Variants in LIMD2 observed in about 807,000 individuals in gnomAD.
LIMD2 encodes LIM domain containing 2, also known as LIM domain-containing protein 2.
Under a neutral mutation model 16.0 loss-of-function variants are expected in LIMD2, and 11 were observed. The observed-to-expected ratio is 0.69, with a 90% CI of 0.43 to 1.14. LIMD2 has a LOEUF of 1.14. LIMD2 is among the 50% of genes most tolerant of loss of function. The pLI, the probability that LIMD2 is intolerant of heterozygous loss-of-function variation, is 0.00. For missense variants in LIMD2, 168 were observed against 165.8 expected (o/e 1.01, Z -0.07); for synonymous variants, 60 against 67.1 (o/e 0.89, Z 0.52).
At chr17:63,700,208 G>A, upstream of LIMD2, 1 of 913,026 alleles carries the variant, frequency 1.1e-6, no homozygotes. The surrounding 1 kb of genome is among the most constrained non-coding windows in gnomAD (Gnocchi z 7.1). Flanking sequence ...TGGCTCCGCC[G>A]CGCCCGGAGC....
rs769994067 is a variant in LIMD2, at chr17:63,696,701, TC to T, written c.*1850del. On this transcript the variant is annotated 3_prime_UTR_variant, in exon 5 of 5. Transcript: ENST00000259006. ...GGGTCAGGTGTCTCCAAGAGCCACCTCTCCAGTACCCCCTTGTGGTCATCTG... is the reference window on the plus strand; with the variant it reads ...GGGTCAGGTGTCTCCAAGAGCCACCTTCCAGTACCCCCTTGTGGTCATCTG... The T allele has an allele frequency of 1.3e-5, 2 of 152,202 alleles. No individual in the cohort carries two copies. The highest frequency in any genetic ancestry group is 2.4e-5 in the African/African-American group (1 of 41,436). The allele number at this position is 152,202 out of a possible 1,614,324, so 9.4% of individuals were successfully genotyped here.
At chr17:63,699,378 C>T (rs1189565551) in intron 1 of LIMD2, 30 bp from the exon 2 acceptor site, 2 of 1,514,160 alleles carry the variant, frequency 1.3e-6, no homozygotes, top group Admixed American at 2.2e-5. Flanking sequence ...GGGAGGGCCC[C>T]GCCAGCCCGG....
rs971012275 is a variant in LIMD2 at position 63,700,051 on chromosome 17, G to A, written c.-70C>T. Reference sequence around the variant, plus strand: ...TCTCACCAGGCCCGGCCTGGGCCGCGGGGCGGGATCGGTCTCCGGGGGCGC... The same window carrying A: ...TCTCACCAGGCCCGGCCTGGGCCGCAGGGCGGGATCGGTCTCCGGGGGCGC... On this transcript the variant is annotated 5_prime_UTR_variant, in exon 1 of 5. Coordinates refer to ENST00000259006, the MANE Select transcript of LIMD2 (RefSeq NM_030576.4). The surrounding 1 kb of genome is among the most constrained non-coding windows in gnomAD (Gnocchi z 7.1). 3.0e-6 allele frequency: 3 copies of A among 983,906 alleles called. No individual in the cohort carries two copies. Among genetic ancestry groups the A allele is most frequent in the Admixed American group, 6.2e-5 (1 of 16,138 alleles). The allele number at this position is 983,906 out of a possible 1,614,324, so 60.9% of individuals were successfully genotyped here. A position where few individuals can be genotyped will look rare whatever the true frequency, so the allele number is the denominator to read the frequency against.
chr17:63,699,806 G>GGCC, intron 1 of LIMD2: 1 of 889,522 alleles, frequency 1.1e-6, no homozygotes, highest in Non-Finnish European at 1.3e-6. Flanking sequence ...CCCCGACCTG[G>GGCC]CCCCGCGAGG....
Position 63,697,105 on chromosome 17 carries a change from C to T in LIMD2, c.*1447G>A, listed in dbSNP as rs145240163. ...ACCCAGACTTCTGCCTGTGTCCCAC[C>T]GGGGCGCCCTCAGGTCCTCCCAACT... On this transcript the variant is annotated 3_prime_UTR_variant, in exon 5 of 5. Transcript: ENST00000259006. 7.8e-3 allele frequency: 1,189 copies of T among 152,388 alleles called. 9 individuals carry two copies. The highest frequency in any genetic ancestry group is 0.014 in the Non-Finnish European group (930 of 68,096). The allele number at this position is 152,388 out of a possible 1,614,324, so 9.4% of individuals were successfully genotyped here. A position where few individuals can be genotyped will look rare whatever the true frequency, so the allele number is the denominator to read the frequency against.
At chr17:63,700,239 C>T, upstream of LIMD2, 1 of 825,186 alleles carries the variant, frequency 1.2e-6, no homozygotes, top group Non-Finnish European at 1.5e-6. The surrounding 1 kb of genome is among the most constrained non-coding windows in gnomAD (Gnocchi z 7.1). Flanking sequence ...GCCCCGGCGC[C>T]GCCGCCGACC....
rs918789807 is a variant in LIMD2, at chr17:63,696,438, G to T, written c.*2114C>A. ...GAAGAGAACTTGACTCCAAGTAGAGGGGTCCTGGGGTGATCTGGCTGATAC... is the reference window on the plus strand; with the variant it reads ...GAAGAGAACTTGACTCCAAGTAGAGTGGTCCTGGGGTGATCTGGCTGATAC... On this transcript the variant is annotated 3_prime_UTR_variant, in exon 5 of 5. Transcript: ENST00000259006. 2 of 152,330 alleles carry T rather than the reference G, an allele frequency of 1.3e-5. No homozygotes were observed. The highest frequency in any genetic ancestry group is 1.3e-4 in the Admixed American group (2 of 15,270). 9.4% of individuals were successfully genotyped at this position (152,330 alleles called of 1,614,324 possible).
chr17:63,696,463 C>T lies in LIMD2; in HGVS notation c.*2089G>A, dbSNP rs1427510197. On this transcript the variant is annotated 3_prime_UTR_variant, in exon 5 of 5. Coordinates refer to ENST00000259006, the MANE Select transcript of LIMD2 (RefSeq NM_030576.4). Reference sequence around the variant, plus strand: ...GGGTCCTGGGGTGATCTGGCTGATACCATTGTCAGTCCAGAGGTGTCTGCC... The same window carrying T: ...GGGTCCTGGGGTGATCTGGCTGATATCATTGTCAGTCCAGAGGTGTCTGCC... 1.6e-4 allele frequency: 25 copies of T among 152,284 alleles called. No individual in the cohort carries two copies. Among genetic ancestry groups the T allele is most frequent in the Admixed American group, 1.6e-3 (25 of 15,258 alleles). 9.4% of individuals were successfully genotyped at this position (152,284 alleles called of 1,614,324 possible). A position where few individuals can be genotyped will look rare whatever the true frequency, so the allele number is the denominator to read the frequency against.
At position 63,699,862 on chromosome 17, in the gene LIMD2, G is replaced by C. The variant is rs543772431; in HGVS notation, c.-51+170C>G. On this transcript the variant is annotated intron_variant, in intron 1 of 4. Coordinates refer to ENST00000259006, the MANE Select transcript of LIMD2 (RefSeq NM_030576.4). ...GCCGCGAGCCCCGCCAGCGGGTCTC[G>C]GCTCCGCCCAGCCGGGGGCCGGCCC... is the stretch of plus-strand genomic sequence containing the variant. 4.9e-4 allele frequency: 484 copies of C among 983,484 alleles called. 7 individuals carry two copies. In the South Asian group the frequency reaches 0.021, roughly 42 times the overall value. The allele number at this position is 983,484 out of a possible 1,614,324, so 60.9% of individuals were successfully genotyped here.
At chr17:63,699,426 G>T in intron 1 of LIMD2, 78 bp from the exon 2 acceptor site, 2 of 1,384,946 alleles carry the variant, frequency 1.4e-6, no homozygotes, top group Non-Finnish European at 1.9e-6. Flanking sequence ...ACAGGCAGGG[G>T]CTGGGGGGAT....
Position 63,700,039 on chromosome 17 carries a change from G to C in LIMD2, c.-58C>G. The C allele has an allele frequency of 1.0e-6, 1 of 984,102 alleles. No homozygotes were observed. Among genetic ancestry groups the C allele is most frequent in the Non-Finnish European group, 1.2e-6 (1 of 829,274 alleles). 61.0% of individuals were successfully genotyped at this position (984,102 alleles called of 1,614,324 possible). On this transcript the variant is annotated 5_prime_UTR_variant, in exon 1 of 5. Transcript: ENST00000259006. This position sits in a 1 kb window ranked among gnomAD's most constrained non-coding sequence, Gnocchi z 7.1. ...TCCCCCCGCGGCTCTCACCAGGCCC[G>C]GCCTGGGCCGCGGGGCGGGATCGGT...
At position 63,699,241 on chromosome 17, in the gene LIMD2, C is replaced by CCAGCCGGGCACTTACATGAGA. The variant is rs1295982097; in HGVS notation, c.37_42+15dup. On this transcript the variant is annotated intron_variant, in intron 2 of 4. Transcript: ENST00000259006. ...GCTCCTGTCCGGGGGGCCCTCCCAC[C>CCAGCCGGGCACTTACATGAGA]CAGCCGGGCACTTACATGAGAGGGG... 2 of 1,611,270 alleles carry CCAGCCGGGCACTTACATGAGA rather than the reference C, an allele frequency of 1.2e-6. No homozygotes were observed. Among genetic ancestry groups the CCAGCCGGGCACTTACATGAGA allele is most frequent in the Non-Finnish European group, 1.7e-6 (2 of 1,179,460 alleles).
At position 63,698,627 on chromosome 17, in the gene LIMD2, G is replaced by A. The variant is rs375043814; in HGVS notation, c.309C>T (p.Asp103=). 7.4e-6 allele frequency: 12 copies of A among 1,613,756 alleles called. No individual in the cohort carries two copies. The African/African-American group carries it at 1.2e-4, about 16-fold the overall frequency. The change falls in exon 5 of 5, where the codon GAC becomes GAT. Residue 103 remains aspartate (D), a synonymous_variant. Coordinates refer to ENST00000259006, the MANE Select transcript of LIMD2 (RefSeq NM_030576.4). The stretch of plus-strand genomic sequence containing the variant: ...TGTGCTGCTTGCGGCCAAACCCCTC[G>A]TCGTAGTTGCCTTTGCTCTTAAACA... ...QQLFKSKGNY[D]EGFGRKQHKE...
chr17:63,699,984 T>C, intron 1 of LIMD2, 48 bp downstream of exon 1: 1 of 982,668 alleles, frequency 1.0e-6, no homozygotes, highest in East Asian at 1.2e-4. Flanking sequence ...CCTCGGCGCC[T>C]CTCCCGGTTC....
Position 63,697,890 on chromosome 17 carries a change from T to TG in LIMD2, c.*661dup, listed in dbSNP as rs1243101197. ...CACAAATGGGAGCGGGGGAGGGGAG[T>TG]GGGGCCGCACCAGCCCCTGCCAGTG... is the stretch of plus-strand genomic sequence containing the variant. On this transcript the variant is annotated 3_prime_UTR_variant, in exon 5 of 5. Coordinates refer to ENST00000259006, the MANE Select transcript of LIMD2 (RefSeq NM_030576.4). 6.0e-5 allele frequency: 9 copies of TG among 151,108 alleles called. No homozygotes were observed. In the East Asian group the frequency reaches 1.8e-3, roughly 30 times the overall value. The allele number at this position is 151,108 out of a possible 1,614,324, so 9.4% of individuals were successfully genotyped here.
Position 63,697,871 on chromosome 17 carries a change from T to A in LIMD2, c.*681A>T, listed in dbSNP as rs908351733. 2.0e-5 allele frequency: 3 copies of A among 152,816 alleles called. No homozygotes were observed. The highest frequency in any genetic ancestry group is 7.2e-5 in the African/African-American group (3 of 41,402). 9.5% of individuals were successfully genotyped at this position (152,816 alleles called of 1,614,324 possible). On this transcript the variant is annotated 3_prime_UTR_variant, in exon 5 of 5. Coordinates refer to ENST00000259006, the MANE Select transcript of LIMD2 (RefSeq NM_030576.4). ...TTGGTCACAACAGGATGGGCACAAA[T>A]GGGAGCGGGGGAGGGGAGTGGGGCC...
chr17:63,698,408 A>G lies in LIMD2; in HGVS notation c.*144T>C. On this transcript the variant is annotated 3_prime_UTR_variant, in exon 5 of 5. Coordinates refer to ENST00000259006, the MANE Select transcript of LIMD2 (RefSeq NM_030576.4). ...AGGAAGAAGGAAGGAGTCCTGGAGC[A>G]GAGCCCTGCCCTGGTCCCCTACGCC... The G allele has an allele frequency of 1.1e-6, 1 of 929,488 alleles. No homozygotes were observed. Among genetic ancestry groups the G allele is most frequent in the Non-Finnish European group, 1.6e-6 (1 of 635,940 alleles). The allele number at this position is 929,488 out of a possible 1,614,324, so 57.6% of individuals were successfully genotyped here.
In LIMD2 at chr17:63,698,421, G is replaced by C; in HGVS notation, c.*131C>G. On this transcript the variant is annotated 3_prime_UTR_variant, in exon 5 of 5. Coordinates refer to ENST00000259006, the MANE Select transcript of LIMD2 (RefSeq NM_030576.4). ...GAGTCCTGGAGCAGAGCCCTGCCCTGGTCCCCTACGCCTGAGCAAGCCTCA... is the reference window on the plus strand; with the variant it reads ...GAGTCCTGGAGCAGAGCCCTGCCCTCGTCCCCTACGCCTGAGCAAGCCTCA... 9.7e-7 allele frequency: 1 copy of C among 1,026,764 alleles called. No homozygotes were observed. Among genetic ancestry groups the C allele is most frequent in the Middle Eastern group, 3.2e-4 (1 of 3,104 alleles). 63.6% of individuals were successfully genotyped at this position (1,026,764 alleles called of 1,614,324 possible). A position where few individuals can be genotyped will look rare whatever the true frequency, so the allele number is the denominator to read the frequency against.
intron 1 of LIMD2, chr17:63,699,772 T>TGGCCC: frequency 2.4e-4 from 78 of 329,560 alleles, no homozygotes; most frequent in South Asian, 3.6e-4. Flanking sequence ...GCGCCCGAGG[T>TGGCCC]CCCCGCCCGC....
Sources: gnomAD v4.1 joint callset for allele counts on GRCh38, gnomAD v4.1.1 for gene constraint, Gnocchi (gnomAD v3.1) non-coding constraint, MANE v1.5 for transcripts, NCBI Gene and HGNC (gene_info 2026-07-23, HGNC 2026-07-21) for gene names.